The following SCFD2 variants were observed in gnomAD, a reference collection of about 807,000 sequenced individuals.
The protein encoded by SCFD2 is sec1 family domain-containing protein 2.
SCFD2 carries 54 observed loss-of-function variants against 58.9 expected under a neutral mutation model. The ratio of observed to expected loss-of-function variants is 0.92; its 90% CI spans 0.74 to 1.15. SCFD2 has a LOEUF of 1.15. Ranked by LOEUF, SCFD2 falls within the 50% of genes most tolerant of loss-of-function variation. SCFD2 has a pLI of 0.00. For missense variants in SCFD2, 805 were observed against 836.6 expected, an observed-to-expected ratio of 0.96 and a Z score of 0.47; for synonymous variants, 321 against 335.9, an observed-to-expected ratio of 0.96 and a Z score of 0.49.
chr4:53,213,419 G>C (rs1179514358), intron 4 of SCFD2, among the ~76,000 whole-genome samples: 1 of 151,998 alleles, frequency 6.6e-6, no homozygotes, highest in Non-Finnish European at 1.5e-5. Flanking sequence ...CCTGACCTTT[G>C]ATACAAAAAG....
intron 5 of SCFD2, among the ~76,000 whole-genome samples, chr4:53,120,348 T>C (rs1725445425): frequency 1.3e-5 from 2 of 152,220 alleles, no homozygotes; most frequent in African/African-American, 4.8e-5. Context: ...CTAACTATGC[T>C]ATGATCTTAC....
At chr4:53,174,644 G>A (rs1727274860) in intron 4 of SCFD2, among the ~76,000 whole-genome samples, 1 of 152,128 alleles carries the variant, frequency 6.6e-6, no homozygotes, top group Admixed American at 6.5e-5. Flanking sequence ...TCAATAAAAT[G>A]ATTAAATTGG....
At chr4:53,146,596 A>G (rs1254986840) in intron 4 of SCFD2, among the ~76,000 whole-genome samples, 1 of 152,206 alleles carries the variant, frequency 6.6e-6, no homozygotes, top group Admixed American at 6.5e-5. Context: ...CCCTGCTTTC[A>G]TAGAGTTTAC....
chr4:53,266,798 AAG>A (rs1730997224), intron 4 of SCFD2, among the ~76,000 whole-genome samples: 1 of 152,236 alleles, frequency 6.6e-6, no homozygotes. Flanking sequence ...CCTTGGAGAT[AAG>A]AGAGAGAAAA....
chr4:53,195,003 C>A (rs968764786), intron 4 of SCFD2, among the ~76,000 whole-genome samples: 1 of 152,026 alleles, frequency 6.6e-6, no homozygotes, highest in East Asian at 1.9e-4. Flanking sequence ...TGTAAAAACC[C>A]CAAGTGGCTT....
chr4:52,887,094 C>T (rs1443982964), intron 7 of SCFD2, among the ~76,000 whole-genome samples: 1 of 152,202 alleles, frequency 6.6e-6, no homozygotes, highest in African/African-American at 2.4e-5. Flanking sequence ...CCCACCTTAC[C>T]TAGTACAATT....
chr4:52,935,702 A>C (rs1048206462), intron 5 of SCFD2, among the ~76,000 whole-genome samples: 4 of 152,192 alleles, frequency 2.6e-5, no homozygotes, highest in Non-Finnish European at 5.9e-5. Context: ...TCTTTCTAAG[A>C]AATTGGATAT....
chr4:53,171,628 T>C (rs945135346), intron 4 of SCFD2, among the ~76,000 whole-genome samples: 2 of 152,212 alleles, frequency 1.3e-5, no homozygotes, highest in African/African-American at 4.8e-5. Flanking sequence ...AGCCATCAGG[T>C]CCTGGGCTTT....
At chr4:53,032,805 C>T (rs1284952303) in intron 5 of SCFD2, among the ~76,000 whole-genome samples, 3 of 152,058 alleles carry the variant, frequency 2.0e-5, no homozygotes, top group African/African-American at 4.8e-5. Context: ...TACACAAGCA[C>T]CCAGATTCAT....
intron 4 of SCFD2, among the ~76,000 whole-genome samples, chr4:53,218,786 C>T (rs1179121395): frequency 6.6e-6 from 1 of 152,142 alleles, no homozygotes; most frequent in Non-Finnish European, 1.5e-5. Context: ...TCTACCTTTG[C>T]TCTTTGATGA....
In SCFD2 at chr4:53,192,241, A is replaced by C. The variant is rs114647809; in HGVS notation, c.1312-46659T>G. Among the ~76,000 whole-genome samples, 412 of 152,250 alleles carry C rather than the reference A, an allele frequency of 2.7e-3. 1 individual carries two copies. Among genetic ancestry groups the C allele is most frequent in the African/African-American group, 9.5e-3 (394 of 41,546 alleles). On this transcript the variant is annotated intron_variant, in intron 4 of 8. Coordinates refer to ENST00000401642, the MANE Select transcript of SCFD2 (RefSeq NM_152540.4). The stretch of plus-strand genomic sequence containing the variant: ...TGTCCCCACGACTCCCTATTGTCTT[A>C]CATCTTGTTTCTACTGCCTGCCTGG...
At chr4:53,227,504 CT>C (rs755943479) in intron 4 of SCFD2, among the ~76,000 whole-genome samples, 96 of 152,222 alleles carry the variant, frequency 6.3e-4, no homozygotes, top group Non-Finnish European at 1.1e-3. Context: ...ATAAAAACGG[CT>C]AAGATTTTGA....
In SCFD2 at chr4:53,021,591, T is replaced by C. The variant is rs181525156; in HGVS notation, c.1562-100721A>G. Among the ~76,000 whole-genome samples, 85 of 152,190 alleles carry C rather than the reference T, an allele frequency of 5.6e-4. No individual in the cohort carries two copies. The Middle Eastern group carries it at 0.01, about 18-fold the overall frequency. On this transcript the variant is annotated intron_variant, in intron 5 of 8. Coordinates refer to ENST00000401642, the MANE Select transcript of SCFD2 (RefSeq NM_152540.4). ...TAAATAATGGCAATGCAATGCGGTATGCATTAAGTTCTCCAGGGGCGCAGC... is the reference window on the plus strand; with the variant it reads ...TAAATAATGGCAATGCAATGCGGTACGCATTAAGTTCTCCAGGGGCGCAGC...
intron 3 of SCFD2, among the ~76,000 whole-genome samples, chr4:53,283,158 T>A (rs894159166): frequency 3.3e-5 from 5 of 152,226 alleles, no homozygotes; most frequent in African/African-American, 1.2e-4. Flanking sequence ...GAAGACTCCC[T>A]TGTATACTTA....
intron 4 of SCFD2, among the ~76,000 whole-genome samples, chr4:53,242,375 G>A (rs1729923841): frequency 6.6e-6 from 1 of 152,072 alleles, no homozygotes; most frequent in African/African-American, 2.4e-5. Context: ...GCAGAGACCT[G>A]GCTCCCTAAA....
intron 3 of SCFD2, among the ~76,000 whole-genome samples, chr4:53,277,360 C>T (rs1416445283): frequency 9.2e-5 from 14 of 152,158 alleles, no homozygotes; most frequent in Non-Finnish European, 1.5e-5. Context: ...TTGCCATGAG[C>T]TCCATTTATT....
chr4:53,299,072 G>T (rs1425374174), intron 3 of SCFD2, among the ~76,000 whole-genome samples: 2 of 152,224 alleles, frequency 1.3e-5, no homozygotes, highest in Non-Finnish European at 2.9e-5. Context: ...CTCCTCACCA[G>T]CAATGGAACA....
At chr4:53,218,070 T>C (rs923700628) in intron 4 of SCFD2, among the ~76,000 whole-genome samples, 5 of 152,220 alleles carry the variant, frequency 3.3e-5, no homozygotes, top group African/African-American at 1.2e-4. Flanking sequence ...CTGGCTGCCC[T>C]GAACATTTTT....
chr4:52,897,775 C>A (rs1017959866), intron 7 of SCFD2, among the ~76,000 whole-genome samples: 4 of 152,156 alleles, frequency 2.6e-5, no homozygotes, highest in Non-Finnish European at 5.9e-5. Flanking sequence ...ACTGCGAATC[C>A]ATCTGGTCCT....
Sources: gnomAD v4.1 joint callset for allele counts (sites outside exome capture counted in the v4.1 genomes callset) on GRCh38, gnomAD v4.1.1 for gene constraint, MANE v1.5 for transcripts, NCBI Gene and HGNC (gene_info 2026-07-23, HGNC 2026-07-21) for gene names.